The following RIMS2 variants were observed in gnomAD, a reference collection of about 807,000 sequenced individuals.
RIMS2 encodes regulating synaptic membrane exocytosis protein 2.
A neutral mutation model predicts 174.4 loss-of-function variants in RIMS2; 59 were observed. The ratio of observed to expected loss-of-function variants is 0.34; its 90% CI spans 0.27 to 0.42. The LOEUF is 0.42. RIMS2 is among the 10% of genes least tolerant of loss of function. The pLI is 1.00. For missense variants in RIMS2, 1,620 were observed against 1,666.3 expected (o/e 0.97, Z 0.48); for synonymous variants, 606 against 572.5 (o/e 1.06, Z -0.84).
chr8:103,818,657 A>G (rs1219482902), intron 3 of RIMS2, among the ~76,000 whole-genome samples: 3 of 152,176 alleles, frequency 2.0e-5, no homozygotes, highest in African/African-American at 7.2e-5. Context: ...GTGAATTTTA[A>G]TTGAAAAGCT....
intron 19 of RIMS2, among the ~76,000 whole-genome samples, chr8:104,231,955 A>G (rs546656728): frequency 2.0e-5 from 3 of 152,302 alleles, no homozygotes; most frequent in African/African-American, 7.2e-5. Flanking sequence ...ATTATAGAAC[A>G]TTTCTCTCAT....
In RIMS2 at chr8:104,177,193, G is replaced by A. The variant is rs988648719; in HGVS notation, c.3335-67723G>A. 3.3e-5 allele frequency among the ~76,000 whole-genome samples: 5 copies of A among 152,076 alleles called. No homozygotes were observed. In the East Asian group the frequency reaches 9.6e-4, roughly 29 times the overall value. On this transcript the variant is annotated intron_variant, in intron 19 of 23. Coordinates refer to ENST00000504942, the Ensembl canonical transcript of RIMS2. ...AGACAGGTAGTAAGAACATTTTGTG[G>A]ATGTGAAACTGAAGCAACATATTAA...
At chr8:104,043,557 C>G (rs1453947662) in intron 19 of RIMS2, among the ~76,000 whole-genome samples, 1 of 151,560 alleles carries the variant, frequency 6.6e-6, no homozygotes, top group East Asian at 1.9e-4. Context: ...TGTGTTAAAT[C>G]ATGTTTTCAT....
At chr8:104,215,330 A>T (rs1418608700) in intron 19 of RIMS2, among the ~76,000 whole-genome samples, 1 of 152,196 alleles carries the variant, frequency 6.6e-6, no homozygotes, top group African/African-American at 2.4e-5. Flanking sequence ...AACAAGTAAG[A>T]ATTAGACTTT....
intron 1 of RIMS2, among the ~76,000 whole-genome samples, chr8:103,533,661 CAA>C (rs34355378): frequency 1.1e-4 from 7 of 66,086 alleles, no homozygotes; most frequent in African/African-American, 3.9e-4. Flanking sequence ...GACCCTGTCT[CAA>C]AAAAAAAAAA....
intron 19 of RIMS2, among the ~76,000 whole-genome samples, chr8:104,123,229 T>C (rs1364079845): frequency 6.6e-6 from 1 of 152,044 alleles, no homozygotes; most frequent in Non-Finnish European, 1.5e-5. Context: ...TATGTGTATA[T>C]TTTTATTTTA....
At chr8:103,569,524 T>G (rs1173975287) in intron 1 of RIMS2, among the ~76,000 whole-genome samples, 1 of 152,204 alleles carries the variant, frequency 6.6e-6, no homozygotes, top group Non-Finnish European at 1.5e-5. Flanking sequence ...TAAATCTTCT[T>G]TAATTTTTTC....
intron 1 of RIMS2, among the ~76,000 whole-genome samples, chr8:103,612,943 G>T (rs1308007555): frequency 6.6e-6 from 1 of 152,172 alleles, no homozygotes; most frequent in Admixed American, 6.5e-5. Flanking sequence ...CCTGGAACTG[G>T]GTTGTGTGTT....
intron 2 of RIMS2, among the ~76,000 whole-genome samples, chr8:103,743,478 A>G (rs2097779971): frequency 6.6e-6 from 1 of 152,190 alleles, no homozygotes; most frequent in South Asian, 2.1e-4. Context: ...ACCGCATTAT[A>G]GTTTACCTAG....
chr8:103,756,963 G>A lies in RIMS2; in HGVS notation c.388-9264G>A, dbSNP rs541545139. Among the ~76,000 whole-genome samples the A allele has an allele frequency of 7.5e-4, 104 of 139,282 alleles. 1 individual carries two copies. The highest frequency in any genetic ancestry group is 2.0e-3 in the African/African-American group (76 of 37,346). 91.4% of individuals were successfully genotyped at this position (139,282 alleles called of 152,430 possible). On this transcript the variant is annotated intron_variant, in intron 2 of 23. Coordinates refer to ENST00000504942, the Ensembl canonical transcript of RIMS2. ...GGACAGTTTTATTTCATCCTTTCTC[G>A]TATGTGTGTGTGTGTCTGTGTGTGT...
chr8:104,117,135 A>G (rs981604155), intron 19 of RIMS2, among the ~76,000 whole-genome samples: 2 of 152,070 alleles, frequency 1.3e-5, no homozygotes. Context: ...GATCACTGGA[A>G]CCCAAGAGTT....
chr8:104,077,752 T>G (rs2097326422), intron 19 of RIMS2, among the ~76,000 whole-genome samples: 1 of 149,082 alleles, frequency 6.7e-6, no homozygotes, highest in South Asian at 2.2e-4. Flanking sequence ...ATGATTTAGC[T>G]GATAGAAGCA....
intron 1 of RIMS2, among the ~76,000 whole-genome samples, chr8:103,607,254 C>G (rs946520681): frequency 2.2e-4 from 34 of 152,136 alleles, no homozygotes; most frequent in Admixed American, 1.4e-3. Context: ...TTCTCCTTCA[C>G]TTATGAAGCT....
intron 1 of RIMS2, among the ~76,000 whole-genome samples, chr8:103,552,947 C>A (rs1037132046): frequency 2.6e-5 from 4 of 152,152 alleles, no homozygotes; most frequent in Non-Finnish European, 5.9e-5. Flanking sequence ...CAGGAAACAA[C>A]AGGTGCTGGA....
intron 2 of RIMS2, among the ~76,000 whole-genome samples, chr8:103,737,175 C>CTTTTTTTTTTTTTTTTTTTTT (rs554949027): frequency 2.2e-4 from 15 of 67,526 alleles, no homozygotes; most frequent in East Asian, 5.1e-4. Flanking sequence ...TTTCTTTGTT[C>CTTTTTTTTTTTTTTTTTTTTT]TTTTTTTTTT....
At chr8:104,048,746 T>C (rs2096735723) in intron 19 of RIMS2, among the ~76,000 whole-genome samples, 2 of 152,176 alleles carry the variant, frequency 1.3e-5, no homozygotes, top group African/African-American at 4.8e-5. Flanking sequence ...TTTTGTAATT[T>C]GAAAGAAATT....
At chr8:103,553,404 C>G (rs922805113) in intron 1 of RIMS2, among the ~76,000 whole-genome samples, 2 of 151,874 alleles carry the variant, frequency 1.3e-5, no homozygotes, top group Admixed American at 6.6e-5. Context: ...AATGACAACA[C>G]TTGGACACAG....
intron 1 of RIMS2, among the ~76,000 whole-genome samples, chr8:103,572,955 C>T (rs2092942048): frequency 6.6e-6 from 1 of 152,202 alleles, no homozygotes; most frequent in East Asian, 1.9e-4. Context: ...CTTTAGAGGT[C>T]GTAGTCATAA....
exon 4 of RIMS2, chr8:103,885,775 A>T (rs1489809300): frequency 1.9e-6 from 3 of 1,613,032 alleles, no homozygotes; most frequent in Non-Finnish European, 2.5e-6. Flanking sequence ...ATCGACCATC[A>T]AGGCAAAGAT....
Sources: gnomAD v4.1 joint callset for allele counts (sites outside exome capture counted in the v4.1 genomes callset) on GRCh38, gnomAD v4.1.1 for gene constraint, MANE v1.5 for transcripts, NCBI Gene and HGNC (gene_info 2026-07-23, HGNC 2026-07-21) for gene names.